The following TJP1 variants were observed in gnomAD, a reference collection of about 807,000 sequenced individuals.
TJP1 encodes tight junction protein ZO-1.
A neutral mutation model predicts 194.2 loss-of-function variants in TJP1; 43 were observed. The ratio of observed to expected loss-of-function variants is 0.22; its 90% CI spans 0.17 to 0.29. TJP1 has a LOEUF of 0.29. TJP1 is among the 10% of genes least tolerant of loss of function. TJP1 has a pLI of 1.00. For missense variants in TJP1, 1,971 were observed against 2,185.7 expected, an observed-to-expected ratio of 0.90 and a Z score of 1.96; for synonymous variants, 801 against 779.0, an observed-to-expected ratio of 1.03 and a Z score of -0.47.
intron 23 of TJP1, among the ~76,000 whole-genome samples, chr15:29,711,479 C>T (rs1378146016): frequency 1.3e-5 from 2 of 152,120 alleles, no homozygotes; most frequent in African/African-American, 4.8e-5. Flanking sequence ...GATTCTTCTG[C>T]CTCAGCCTCC....
intron 2 of TJP1, among the ~76,000 whole-genome samples, chr15:29,923,776 T>C (rs972616078): frequency 6.6e-6 from 1 of 152,220 alleles, no homozygotes; most frequent in South Asian, 2.1e-4. Context: ...AGCCACTGAA[T>C]TGTACACTTT....
At chr15:29,919,631 C>T (rs896957105) in intron 2 of TJP1, among the ~76,000 whole-genome samples, 2 of 152,128 alleles carry the variant, frequency 1.3e-5, no homozygotes, top group African/African-American at 4.8e-5. Flanking sequence ...CCTTGGAGAC[C>T]TGAGTGCAGT....
chr15:29,889,716 T>C (rs2053240848), intron 2 of TJP1, among the ~76,000 whole-genome samples: 1 of 152,188 alleles, frequency 6.6e-6, no homozygotes, highest in South Asian at 2.1e-4. Context: ...TGGCAGTCCC[T>C]AGCCTCTCCT....
At chr15:29,871,608 G>A (rs371776153) in intron 2 of TJP1, among the ~76,000 whole-genome samples, 75 of 152,340 alleles carry the variant, frequency 4.9e-4, no homozygotes, top group African/African-American at 1.5e-3. Context: ...CGTAGGAGAC[G>A]GCCCCAGCTG....
chr15:29,950,014 C>T (rs1596313773), intron 2 of TJP1, among the ~76,000 whole-genome samples: 2 of 97,832 alleles, frequency 2.0e-5, no homozygotes, highest in Non-Finnish European at 4.1e-5. Context: ...CCACAACCAC[C>T]ACCTCCACCT....
chr15:29,926,227 A>T (rs570496257), intron 2 of TJP1, among the ~76,000 whole-genome samples: 1 of 152,372 alleles, frequency 6.6e-6, no homozygotes, highest in African/African-American at 2.4e-5. Flanking sequence ...ATATTTTTTT[A>T]AAAGAGCTTT....
At chr15:29,736,495 T>C (rs2044044113) in intron 11 of TJP1, among the ~76,000 whole-genome samples, 1 of 152,152 alleles carries the variant, frequency 6.6e-6, no homozygotes, top group African/African-American at 2.4e-5. Flanking sequence ...GCAGAATAAA[T>C]GTAGGAGCTC....
intron 27 of TJP1, among the ~76,000 whole-genome samples, chr15:29,703,913 G>GT (rs1453100806): frequency 6.6e-6 from 1 of 152,166 alleles, no homozygotes; most frequent in Non-Finnish European, 1.5e-5. Flanking sequence ...AAAGTGCTGC[G>GT]ATTACAGGCA....
upstream of TJP1, chr15:29,822,643 T>G (rs558253910): frequency 4.1e-6 from 1 of 246,044 alleles, no homozygotes; most frequent in East Asian, 1.8e-4. Flanking sequence ...CCCAAGTAAC[T>G]TGGAAGACAG....
chr15:29,745,385 C>G (rs753031695), intron 8 of TJP1, among the ~76,000 whole-genome samples: 2 of 149,048 alleles, frequency 1.3e-5, no homozygotes, highest in African/African-American at 2.5e-5. Context: ...ATAAAAAAAT[C>G]TTTTGTCAAT....
rs974686606 is a variant in TJP1 at position 29,784,059 on chromosome 15, T to C, written c.85-10702A>G. Among the ~76,000 whole-genome samples the C allele has an allele frequency of 4.6e-5, 7 of 151,888 alleles. No homozygotes were observed. In the East Asian group the frequency reaches 1.2e-3, roughly 25 times the overall value. ...ACACTAAAGACAAGCAAAAGCAGCA[T>C]GATATATATGAACAGTAGGAGTCCC... On this transcript the variant is annotated intron_variant, in intron 2 of 27. Transcript: ENST00000614355.
chr15:29,795,253 G>A lies in TJP1; in HGVS notation c.84+5393C>T, dbSNP rs151062919. On this transcript the variant is annotated intron_variant, in intron 2 of 27. Transcript: ENST00000614355. ...AGCCCAGCCAACCTGGTGAAACACC[G>A]GCTCTACTAAAAACACAAAAACTAG... Among the ~76,000 whole-genome samples, 178 of 151,820 alleles carry A rather than the reference G, an allele frequency of 1.2e-3. 1 individual carries two copies. In the East Asian group the frequency reaches 0.013, roughly 11 times the overall value.
intron 8 of TJP1, among the ~76,000 whole-genome samples, chr15:29,757,270 A>C (rs2045701993): frequency 6.6e-6 from 1 of 152,234 alleles, no homozygotes; most frequent in African/African-American, 2.4e-5. Context: ...TCAGAAATCT[A>C]GGAAGAGAAC....
At chr15:29,713,810 A>T (rs1226603503) in intron 23 of TJP1, among the ~76,000 whole-genome samples, 1 of 152,252 alleles carries the variant, frequency 6.6e-6, no homozygotes. Context: ...CAGCACAATT[A>T]TAAAGAGTTT....
At chr15:29,850,527 G>A (rs934455133) in intron 2 of TJP1, among the ~76,000 whole-genome samples, 1 of 151,822 alleles carries the variant, frequency 6.6e-6, no homozygotes, top group African/African-American at 2.4e-5. Context: ...AGTAGAGACA[G>A]GGTTTCATCA....
Position 29,704,215 on chromosome 15 carries a change from G to C in TJP1, c.5159C>G (p.Ser1720Cys), listed in dbSNP as rs1425445896. Residue 1720 changes from serine (S) to cysteine (C), a missense_variant, in exon 27 of 28, where the codon TCC becomes TGC. Ser to Cys is a moderately radical substitution (Grantham distance 112, BLOSUM62 -1). Coordinates refer to ENST00000614355, the MANE Select transcript of TJP1 (RefSeq NM_001330239.4). The stretch of plus-strand genomic sequence containing the variant: ...AAAAGACCAACCGTCAGGAGTCATG[G>C]ACGCACAGTGTGGTAAGCGCAGCTC... ...PVELRLPHCA[S>C]MTPDGWSFAL... 7.6e-6 allele frequency: 12 copies of C among 1,588,084 alleles called. No individual in the cohort carries two copies. Among genetic ancestry groups the C allele is most frequent in the Non-Finnish European group, 9.4e-6 (11 of 1,166,970 alleles).
At chr15:29,788,728 C>A (rs2047871448) in intron 2 of TJP1, among the ~76,000 whole-genome samples, 1 of 152,202 alleles carries the variant, frequency 6.6e-6, no homozygotes. Context: ...TAATCTTTTA[C>A]ATAATTCTAT....
chr15:29,775,743 G>C (rs2046976235), intron 2 of TJP1, among the ~76,000 whole-genome samples: 1 of 152,052 alleles, frequency 6.6e-6, no homozygotes, highest in Non-Finnish European at 1.5e-5. Context: ...AACAGCATTA[G>C]AAAACATAAG....
chr15:29,743,505 T>C, intron 8 of TJP1, among the ~76,000 whole-genome samples: 1 of 152,136 alleles, frequency 6.6e-6, no homozygotes, highest in African/African-American at 2.4e-5. Flanking sequence ...GCAAGAGGAC[T>C]GCTTGAGCCC....
Sources: gnomAD v4.1 joint callset for allele counts (sites outside exome capture counted in the v4.1 genomes callset) on GRCh38, gnomAD v4.1.1 for gene constraint, MANE v1.5 for transcripts, NCBI Gene and HGNC (gene_info 2026-07-23, HGNC 2026-07-21) for gene names.